SEMA3F: variants seen among roughly 807,000 people sequenced by gnomAD.
SEMA3F encodes semaphorin-3F.
Under a neutral mutation model 98.5 loss-of-function variants are expected in SEMA3F, and 30 were observed. The ratio of observed to expected loss-of-function variants is 0.30; its 90% confidence interval spans 0.23 to 0.41. SEMA3F has a LOEUF of 0.41. Among genes scored for constraint, SEMA3F ranks in the 10% least tolerant of loss-of-function variants. The probability of loss-of-function intolerance (pLI) is 1.00; values close to 1 mark genes in which losing one functional copy is unlikely to be tolerated. For missense variants in SEMA3F, 866 were observed against 1,119.3 expected, an observed-to-expected ratio of 0.77 and a Z score of 3.23; for synonymous variants, 380 against 444.8, an observed-to-expected ratio of 0.85 and a Z score of 1.83.
At chr3:50,176,718 C>G in intron 6 of SEMA3F, 50 bp from the exon 7 acceptor site, 1 of 1,399,644 alleles carries the variant, frequency 7.1e-7, no homozygotes, top group Non-Finnish European at 1.0e-6. Context: ...CTTACACTTC[C>G]TGGCTGGGGG....
intron 10 of SEMA3F, 22 bp from the exon 11 acceptor site, chr3:50,183,162 AAC>A: frequency 6.2e-7 from 1 of 1,612,976 alleles, no homozygotes; most frequent in Non-Finnish European, 8.5e-7. Flanking sequence ...GGCACCCTCC[AAC>A]ACCTTCTCCC....
chr3:50,176,963 A>G (rs1365307415), intron 7 of SEMA3F, 102 bp downstream of exon 7: 3 of 978,650 alleles, frequency 3.1e-6, no homozygotes, highest in Admixed American at 1.9e-5. Context: ...GACCATGACT[A>G]GGCTGTCCCT....
intron 16 of SEMA3F, 39 bp from the exon 17 acceptor site, chr3:50,186,242 C>T: frequency 1.2e-6 from 2 of 1,603,432 alleles, no homozygotes. Flanking sequence ...GGGGGGCAAG[C>T]TTCCTGGGAG....
At position 50,166,539 on chromosome 3, in the gene SEMA3F, C is replaced by CA. The variant is rs1010879826; in HGVS notation, c.112+6806dup. On this transcript the variant is annotated intron_variant, in intron 2 of 18. Coordinates refer to ENST00000002829, the MANE Select transcript of SEMA3F (RefSeq NM_004186.5). This position sits in a 1 kb window ranked among gnomAD's most constrained non-coding sequence, Gnocchi z 4.7. Reference sequence around the variant, plus strand: ...TCCTGCTGAGGTCCTAACCCAGCCTCACTGCATCCTCCAAGGCTGACCCCA... The same window carrying CA: ...TCCTGCTGAGGTCCTAACCCAGCCTCAACTGCATCCTCCAAGGCTGACCCCA... Among the ~76,000 whole-genome samples, 49 of 152,318 alleles carry CA rather than the reference C, an allele frequency of 3.2e-4. 1 individual carries two copies. Among genetic ancestry groups the CA allele is most frequent in the Admixed American group, 3.0e-3 (46 of 15,308 alleles).
chr3:50,185,456 G>T lies in SEMA3F; in HGVS notation c.1470G>T (p.Val490=). ...VLFLGTDRGT[V]QKVIVLPKDD... is the part of the protein sequence containing the mutation. ...GGCCCGTTCCAGACCGCGGGACAGT[G>T]CAGAAGGTCATTGTGCTGCCCAAGG... The change falls in exon 14 of 19, where the codon GTG becomes GTT. Residue 490 remains valine, a synonymous_variant. Transcript: ENST00000002829. 1 of 1,613,744 alleles carries T rather than the reference G, an allele frequency of 6.2e-7. No homozygotes were observed. The highest frequency in any genetic ancestry group is 2.2e-5 in the East Asian group (1 of 44,840).
intron 18 of SEMA3F, 39 bp from the exon 19 acceptor site, chr3:50,187,666 G>C: frequency 3.3e-6 from 5 of 1,534,664 alleles, no homozygotes; most frequent in Non-Finnish European, 4.4e-6. Context: ...CCATAGGGTG[G>C]TCACAGAGCC....
chr3:50,182,273 C>A lies in SEMA3F; in HGVS notation c.644-11C>A. ...AGCAGCCCCCCAACTGACCCACTGG[C>A]CTACCCACAGATGAGGAGCTCTATG... On this transcript the variant is annotated splice_polypyrimidine_tract_variant and intron_variant, in intron 7 of 18. Transcript: ENST00000002829. This position sits in a 1 kb window ranked among gnomAD's most constrained non-coding sequence, Gnocchi z 4.5. 1.2e-6 allele frequency: 2 copies of A among 1,614,060 alleles called. No homozygotes were observed. The highest frequency in any genetic ancestry group is 1.7e-6 in the Non-Finnish European group (2 of 1,180,020).
intron 2 of SEMA3F, among the ~76,000 whole-genome samples, chr3:50,167,855 C>T (rs558487174): frequency 6.6e-6 from 1 of 152,288 alleles, no homozygotes; most frequent in South Asian, 2.1e-4. Flanking sequence ...CTCTGGCCTT[C>T]GGTTCCTCTG....
chr3:50,186,541 T>C, intron 17 of SEMA3F, 72 bp from the exon 18 acceptor site: 2 of 1,539,500 alleles, frequency 1.3e-6, no homozygotes, highest in Non-Finnish European at 1.8e-6. Flanking sequence ...TGCCCCTCGG[T>C]GCCTGCCCCG....
Position 50,174,491 on chromosome 3 carries a change from G to A in SEMA3F, c.456+141G>A. The A allele has an allele frequency of 4.8e-6, 5 of 1,034,106 alleles. No homozygotes were observed. The South Asian group carries it at 8.1e-5, about 17-fold the overall frequency. 64.1% of individuals were successfully genotyped at this position (1,034,106 alleles called of 1,614,324 possible). On this transcript the variant is annotated intron_variant, in intron 5 of 18. Coordinates refer to ENST00000002829, the MANE Select transcript of SEMA3F (RefSeq NM_004186.5). ...GGTGAGTGACTTCTTTCACCTCGCT[G>A]AGCCTCAGTTTCTTCACTTGAAAAT...
rs756979411 is a variant in SEMA3F at position 50,183,528 on chromosome 3, C to T, written c.1197C>T (p.Pro399=). 2.5e-6 allele frequency: 4 copies of T among 1,614,092 alleles called. No homozygotes were observed. The Admixed American group carries it at 6.7e-5, about 27-fold the overall frequency. Residue 399 remains proline, a synonymous_variant, in exon 12 of 19, where the codon CCC becomes CCT. Transcript: ENST00000002829. ...AGGGGCCCAACTACCAGTGGATGCCCTTCTCAGGGAAGATGCCCTACCCAC... is the reference window on the plus strand; with the variant it reads ...AGGGGCCCAACTACCAGTGGATGCCTTTCTCAGGGAAGATGCCCTACCCAC... ...HKEGPNYQWM[P]FSGKMPYPRP... is the part of the protein sequence containing the mutation.
chr3:50,171,512 A>G (rs1037174443), intron 2 of SEMA3F, among the ~76,000 whole-genome samples: 1 of 151,670 alleles, frequency 6.6e-6, no homozygotes, highest in Non-Finnish European at 1.5e-5. Context: ...TCCCCCTGCC[A>G]TTGCCCCCAA....
chr3:50,171,872 C>T (rs1361313224), intron 2 of SEMA3F, among the ~76,000 whole-genome samples: 2 of 152,196 alleles, frequency 1.3e-5, no homozygotes, highest in Non-Finnish European at 2.9e-5. Context: ...GGCGTCCCTG[C>T]GTCCCAGCGG....
chr3:50,180,027 G>T (rs1698961624), intron 7 of SEMA3F, among the ~76,000 whole-genome samples: 1 of 152,164 alleles, frequency 6.6e-6, no homozygotes, highest in Non-Finnish European at 1.5e-5. Context: ...TTTCCTTCAA[G>T]AACTTTTCCT....
At chr3:50,157,943 C>A (rs538838341) in intron 1 of SEMA3F, among the ~76,000 whole-genome samples, 1 of 152,292 alleles carries the variant, frequency 6.6e-6, no homozygotes, top group East Asian at 1.9e-4. Context: ...CGGCATCTTG[C>A]GCCAGGACAG....
At chr3:50,175,070 C>T in intron 5 of SEMA3F, 26 bp from the exon 6 acceptor site, 5 of 1,549,686 alleles carry the variant, frequency 3.2e-6, no homozygotes, top group Non-Finnish European at 3.5e-6. Context: ...ACCCCCAGCT[C>T]TAACCCCTGT....
Position 50,159,786 on chromosome 3 carries a change from G to A in SEMA3F, c.112+52G>A, listed in dbSNP as rs530223016. 2.2e-5 allele frequency: 27 copies of A among 1,213,764 alleles called. No homozygotes were observed. The East Asian group carries it at 5.2e-4, about 23-fold the overall frequency. 75.2% of individuals were successfully genotyped at this position (1,213,764 alleles called of 1,614,324 possible). On this transcript the variant is annotated intron_variant, in intron 2 of 18. Transcript: ENST00000002829. Reference sequence around the variant, plus strand: ...GAAATCATCCTCTCTTTACAATAGCGCTCGGCTCCTCTGCACACGAGAGAA... The same window carrying A: ...GAAATCATCCTCTCTTTACAATAGCACTCGGCTCCTCTGCACACGAGAGAA...
chr3:50,168,033 A>G (rs1214152748), intron 2 of SEMA3F, among the ~76,000 whole-genome samples: 1 of 152,234 alleles, frequency 6.6e-6, no homozygotes, highest in East Asian at 1.9e-4. Flanking sequence ...TGAATGGACT[A>G]CTAGACCATA....
intron 3 of SEMA3F, 22 bp from the exon 4 acceptor site, chr3:50,174,030 C>T (rs764286271): frequency 1.2e-6 from 2 of 1,614,070 alleles, no homozygotes; most frequent in Non-Finnish European, 1.7e-6. Context: ...AAGGCTGCAC[C>T]TTCTGACCCC....
Sources: gnomAD v4.1 joint callset for allele counts (sites outside exome capture counted in the v4.1 genomes callset) on GRCh38, gnomAD v4.1.1 for gene constraint, Gnocchi (gnomAD v3.1) non-coding constraint, MANE v1.5 for transcripts, NCBI Gene and HGNC (gene_info 2026-07-23, HGNC 2026-07-21) for gene names.